Variants in HDAC4 observed in about 807,000 individuals in gnomAD.
HDAC4 encodes histone deacetylase 4, also known as histone deacetylase A.
In HDAC4, 16 loss-of-function variants were observed where a neutral mutation model predicts 135.1. The ratio of observed to expected loss-of-function variants is 0.12; its 90% CI spans 0.08 to 0.18. The LOEUF (loss-of-function observed/expected upper bound fraction) is 0.18, where lower values mean the gene tolerates loss of function less well. Ranked by LOEUF, HDAC4 falls within the 10% of genes least tolerant of loss-of-function variation. The probability of loss-of-function intolerance (pLI) is 1.00; values close to 1 mark genes in which losing one functional copy is unlikely to be tolerated. For synonymous variants in HDAC4, 685 were observed against 653.4 expected (o/e 1.05, Z -0.74); for missense variants, 1,143 against 1,511.8 (o/e 0.76, Z 4.05).
intron 3 of HDAC4, among the ~76,000 whole-genome samples, chr2:239,218,247 T>A (rs1455329666): frequency 6.6e-6 from 1 of 151,984 alleles, no homozygotes; most frequent in Admixed American, 6.6e-5. Context: ...TAAAAACAAA[T>A]CCATACTGGT....
chr2:239,235,061 T>C (rs59461424), intron 3 of HDAC4, among the ~76,000 whole-genome samples: 4,197 of 152,194 alleles, frequency 0.028, 151 homozygotes, highest in African/African-American at 0.08. Flanking sequence ...AAATTGTGCA[T>C]CTTCATCTGG....
chr2:239,326,381 T>A (rs2053470976), intron 2 of HDAC4, among the ~76,000 whole-genome samples: 1 of 152,206 alleles, frequency 6.6e-6, no homozygotes. Context: ...ACAGGATTGT[T>A]TACTAGGTAT....
chr2:239,151,353 G>A (rs140749016), intron 7 of HDAC4, among the ~76,000 whole-genome samples: 2,506 of 152,336 alleles, frequency 0.016, 25 homozygotes, highest in Non-Finnish European at 0.025. Flanking sequence ...ATATGGTGTC[G>A]TGGGCGCCAG....
At chr2:239,294,605 A>G (rs1488226082) in intron 2 of HDAC4, among the ~76,000 whole-genome samples, 1 of 152,090 alleles carries the variant, frequency 6.6e-6, no homozygotes, top group Non-Finnish European at 1.5e-5. Context: ...TGGGGCACAC[A>G]CAGATGTATT....
intron 3 of HDAC4, among the ~76,000 whole-genome samples, chr2:239,211,259 A>C (rs2046342937): frequency 6.6e-6 from 1 of 152,256 alleles, no homozygotes; most frequent in Admixed American, 6.5e-5. Flanking sequence ...TTTTAATATT[A>C]TAAACAGAAT....
intron 2 of HDAC4, among the ~76,000 whole-genome samples, chr2:239,325,393 T>A (rs2053440124): frequency 6.6e-6 from 1 of 151,976 alleles, no homozygotes; most frequent in Admixed American, 6.6e-5. Context: ...ACAACCCAAT[T>A]CAAATATGGG....
At chr2:239,336,849 T>C (rs1185735305) in intron 2 of HDAC4, among the ~76,000 whole-genome samples, 1 of 152,248 alleles carries the variant, frequency 6.6e-6, no homozygotes, top group Non-Finnish European at 1.5e-5. Flanking sequence ...ACTAATGTCT[T>C]TTACTGTATT....
intron 7 of HDAC4, among the ~76,000 whole-genome samples, chr2:239,152,339 C>T (rs1333384101): frequency 6.6e-6 from 1 of 152,232 alleles, no homozygotes; most frequent in Non-Finnish European, 1.5e-5. Flanking sequence ...TAAAAATACA[C>T]ATTTGGCGGC....
intron 4 of HDAC4, among the ~76,000 whole-genome samples, chr2:239,177,726 A>C (rs935067520): frequency 1.3e-5 from 2 of 152,234 alleles, no homozygotes; most frequent in Non-Finnish European, 2.9e-5. Context: ...ATTTTATATA[A>C]ATGGTTGTTA....
intron 2 of HDAC4, among the ~76,000 whole-genome samples, chr2:239,244,284 C>G (rs1034953247): frequency 6.6e-6 from 1 of 152,182 alleles, no homozygotes; most frequent in African/African-American, 2.4e-5. Flanking sequence ...ACGGAAAACT[C>G]CTTCTGCTGG....
chr2:239,120,220 G>A (rs2039517693), intron 12 of HDAC4, among the ~76,000 whole-genome samples: 1 of 152,172 alleles, frequency 6.6e-6, no homozygotes, highest in Non-Finnish European at 1.5e-5. Context: ...GTACGCAGGT[G>A]GAATAAAGTC....
At chr2:239,385,988 G>A (rs531938782) in intron 1 of HDAC4, among the ~76,000 whole-genome samples, 16 of 152,314 alleles carry the variant, frequency 1.1e-4, no homozygotes, top group African/African-American at 3.8e-4. Flanking sequence ...GCTAAACAAT[G>A]TGGCCAGACC....
chr2:239,066,654 G>T, intron 24 of HDAC4, 68 bp downstream of exon 24: 1 of 1,609,566 alleles, frequency 6.2e-7, no homozygotes, highest in East Asian at 2.2e-5. Context: ...GGGGCTCTCG[G>T]GCAGCCAGGC....
chr2:239,149,246 C>T (rs1450092992), intron 7 of HDAC4, among the ~76,000 whole-genome samples: 1 of 151,898 alleles, frequency 6.6e-6, no homozygotes, highest in African/African-American at 2.4e-5. Flanking sequence ...ACTAAAAATA[C>T]AAAAATTAGC....
At chr2:239,107,955 C>T (rs2038305419) in intron 15 of HDAC4, 95 bp downstream of exon 15, 1 of 1,516,272 alleles carries the variant, frequency 6.6e-7, no homozygotes, top group Non-Finnish European at 9.1e-7. Flanking sequence ...AAAGAACCAC[C>T]TGCAAAACCA....
intron 14 of HDAC4, among the ~76,000 whole-genome samples, chr2:239,110,285 A>C (rs1391445741): frequency 6.6e-6 from 1 of 152,210 alleles, no homozygotes; most frequent in Non-Finnish European, 1.5e-5. Context: ...ACTGTTTTAT[A>C]AATTTGTTTA....
intron 18 of HDAC4, 26 bp downstream of exon 18, chr2:239,089,983 C>T (rs1230022665): frequency 4.6e-6 from 7 of 1,528,784 alleles, no homozygotes; most frequent in Admixed American, 3.3e-5. Context: ...TCCTGGAGGG[C>T]CACCACTGTC....
chr2:239,169,438 G>A lies in HDAC4; in HGVS notation c.491-5515C>T, dbSNP rs1009662977. On this transcript the variant is annotated intron_variant, in intron 5 of 26. Coordinates refer to ENST00000543185, the MANE Select transcript of HDAC4 (RefSeq NM_001378414.1). ...CGCACAGGGCTCCCACGGGGACCGC[G>A]TGCTATTGTCTACGGAAGGCAGCTT... is the stretch of plus-strand genomic sequence containing the variant. Among the ~76,000 whole-genome samples the A allele has an allele frequency of 2.6e-5, 4 of 152,252 alleles. No homozygotes were observed. In the East Asian group the frequency reaches 5.8e-4, roughly 22 times the overall value.
At chr2:239,260,175 C>A (rs565934545) in intron 2 of HDAC4, among the ~76,000 whole-genome samples, 1 of 152,194 alleles carries the variant, frequency 6.6e-6, no homozygotes, top group Non-Finnish European at 1.5e-5. Flanking sequence ...CTCTGCGGAC[C>A]GCGTGTCCAG....
Sources: gnomAD v4.1 joint callset for allele counts (sites outside exome capture counted in the v4.1 genomes callset) on GRCh38, gnomAD v4.1.1 for gene constraint, MANE v1.5 for transcripts, NCBI Gene and HGNC (gene_info 2026-07-23, HGNC 2026-07-21) for gene names.